The following PDS5B variants were observed in gnomAD, a reference collection of about 807,000 sequenced individuals.
PDS5B encodes PDS5 cohesin associated factor B.
PDS5B carries 51 observed loss-of-function variants against 184.1 expected under a neutral mutation model. The observed-to-expected ratio is 0.28, with a 90% CI of 0.22 to 0.35. PDS5B has a LOEUF of 0.35. PDS5B is among the 10% of genes least tolerant of loss of function. The pLI, the probability that PDS5B is intolerant of heterozygous loss-of-function variation, is 1.00. For synonymous variants in PDS5B, 566 were observed against 569.2 expected (o/e 0.99, Z 0.08); for missense variants, 1,180 against 1,723.3 (o/e 0.68, Z 5.58).
In PDS5B at chr13:32,758,085, AG is replaced by A; in HGVS notation, c.3057-1del. On this transcript the variant is annotated splice_acceptor_variant, in intron 26 of 34. Transcript: ENST00000315596. LOFTEE classifies it high-confidence loss of function. ...TTCTTTTTTCCTTTTTTTTTTTTTT[AG>A]ATGTCTTTGGTTTGTTCTGGAAATA... 1.9e-6 allele frequency: 2 copies of A among 1,075,050 alleles called. No individual in the cohort carries two copies. 66.6% of individuals were successfully genotyped at this position (1,075,050 alleles called of 1,614,324 possible).
chr13:32,688,103 G>A (rs1222850262), intron 12 of PDS5B, among the ~76,000 whole-genome samples: 1 of 151,802 alleles, frequency 6.6e-6, no homozygotes, highest in African/African-American at 2.4e-5. Flanking sequence ...AATCTTAAGA[G>A]TTTCTTTAGT....
intron 19 of PDS5B, among the ~76,000 whole-genome samples, chr13:32,716,028 G>A (rs1391285657): frequency 4.4e-5 from 6 of 137,472 alleles, no homozygotes; most frequent in Non-Finnish European, 9.3e-5. Flanking sequence ...CCTCCCAGCC[G>A]CCTGCCTTGG....
chr13:32,750,888 T>TGTGTGTGTGTGTGTGTG (rs1566408847), intron 24 of PDS5B, among the ~76,000 whole-genome samples: 1 of 149,078 alleles, frequency 6.7e-6, no homozygotes, highest in African/African-American at 2.5e-5. Context: ...TGTGTGTGTG[T>TGTGTGTGTGTGTGTGTG]TTTAAACTTT....
chr13:32,695,495 G>C (rs1593447103), intron 14 of PDS5B, among the ~76,000 whole-genome samples: 1 of 151,982 alleles, frequency 6.6e-6, no homozygotes, highest in South Asian at 2.1e-4. Flanking sequence ...GCCTCTCTTT[G>C]CTACTTGGAG....
Position 32,673,710 on chromosome 13 carries a change from G to A in PDS5B, c.846+354G>A, listed in dbSNP as rs79009498. ...TTTGACCACTGAGGCCATAAAAATA[G>A]TTTAGAGTTTTTTATCCACATAGTG... On this transcript the variant is annotated intron_variant, in intron 8 of 34. Coordinates refer to ENST00000315596, the MANE Select transcript of PDS5B (RefSeq NM_015032.4). 7.9e-5 allele frequency among the ~76,000 whole-genome samples: 12 copies of A among 152,302 alleles called. No individual in the cohort carries two copies. In the East Asian group the frequency reaches 2.3e-3, roughly 29 times the overall value.
At chr13:32,634,998 CCT>C (rs2058518044) in intron 1 of PDS5B, among the ~76,000 whole-genome samples, 1 of 139,642 alleles carries the variant, frequency 7.2e-6, no homozygotes, top group African/African-American at 2.6e-5. Flanking sequence ...TTTCTTACTG[CCT>C]CTTTTTTTTT....
At chr13:32,671,002 G>A (rs568846055) in intron 7 of PDS5B, among the ~76,000 whole-genome samples, 2 of 152,272 alleles carry the variant, frequency 1.3e-5, no homozygotes, top group Admixed American at 6.5e-5. Flanking sequence ...AATTAGCTAC[G>A]CTTTTGTAAA....
intron 1 of PDS5B, among the ~76,000 whole-genome samples, chr13:32,615,805 A>G (rs1463867293): frequency 1.3e-5 from 2 of 152,330 alleles, no homozygotes; most frequent in Admixed American, 6.5e-5. Context: ...AAGTACATAT[A>G]AGTAACTTAT....
At position 32,755,892 on chromosome 13, in the gene PDS5B, CT is replaced by C; in HGVS notation, c.2996del (p.Leu999TrpfsTer30). 1.3e-6 allele frequency: 2 copies of C among 1,585,190 alleles called. No individual in the cohort carries two copies. The highest frequency in any genetic ancestry group is 1.1e-5 in the South Asian group (1 of 87,918). Reference sequence around the variant, plus strand: ...GTATGTTGTTCCATATACAATTCACCTTTTGGCACATGACCCAGATTATGTC... The same window carrying C: ...GTATGTTGTTCCATATACAATTCACCTTTGGCACATGACCCAGATTATGTC... ...PEYVVPYTIH[L>X]LAHDPDYVKV... On this transcript the variant is annotated frameshift_variant, in exon 26 of 35. Transcript: ENST00000315596. LOFTEE classifies it high-confidence loss of function.
At chr13:32,764,080 G>T (rs1032363210) in intron 30 of PDS5B, among the ~76,000 whole-genome samples, 1 of 151,996 alleles carries the variant, frequency 6.6e-6, no homozygotes. Context: ...CAGTCAGTAC[G>T]TAATAAATGT....
intron 1 of PDS5B, among the ~76,000 whole-genome samples, chr13:32,596,662 C>T (rs2057876426): frequency 6.6e-6 from 1 of 151,670 alleles, no homozygotes; most frequent in Admixed American, 6.6e-5. Flanking sequence ...CTTGGTTAGT[C>T]AATCTTTTTA....
intron 3 of PDS5B, among the ~76,000 whole-genome samples, chr13:32,656,449 T>C (rs76124683): frequency 6.6e-6 from 1 of 152,046 alleles, no homozygotes; most frequent in East Asian, 1.9e-4. Context: ...TTAGTAACAT[T>C]GATTCTTCCT....
In PDS5B at chr13:32,658,308, T is replaced by A. The variant is rs201036001; in HGVS notation, c.382T>A (p.Tyr128Asn). 2 of 1,500,964 alleles carry A rather than the reference T, an allele frequency of 1.3e-6. No homozygotes were observed. The highest frequency in any genetic ancestry group is 1.4e-5 in the African/African-American group (1 of 73,104). 93.0% of individuals were successfully genotyped at this position (1,500,964 alleles called of 1,614,324 possible). The change falls in exon 4 of 35, where the codon TAT (tyrosine) becomes AAT (asparagine). Residue 128 changes from tyrosine (Y) to asparagine (N), a missense_variant. By Grantham distance (143) the Tyr-to-Asn change is moderately radical. Around this residue, in one of 11 missense-constraint regions of PDS5B, gnomAD observed 22 missense variants for 46.8 expected, o/e 0.47. Transcript: ENST00000315596. ...TACAAAGAGCCCACAATTCAATAGG[T>A]ATTTTTATTTACTTGAGGTAAGCAA... Reference protein sequence around the residue: ...EDTKSPQFNRYFYLLENIAWV... With the variant: ...EDTKSPQFNRNFYLLENIAWV...
intron 23 of PDS5B, among the ~76,000 whole-genome samples, chr13:32,744,724 ATTG>A (rs1274258650): frequency 2.6e-5 from 4 of 152,116 alleles, no homozygotes; most frequent in Non-Finnish European, 4.4e-5. Flanking sequence ...TACTTGGAAT[ATTG>A]TTGTTGATGG....
intron 23 of PDS5B, among the ~76,000 whole-genome samples, chr13:32,743,013 T>C (rs1458999984): frequency 6.6e-6 from 1 of 151,432 alleles, no homozygotes; most frequent in East Asian, 1.9e-4. Flanking sequence ...ATAACTGATG[T>C]TTTACATTCT....
chr13:32,657,696 T>C (rs2140693377), intron 3 of PDS5B, among the ~76,000 whole-genome samples: 1 of 152,234 alleles, frequency 6.6e-6, no homozygotes, highest in East Asian at 1.9e-4. Flanking sequence ...GTCAAAAATA[T>C]GAGATGGGAA....
At chr13:32,756,080 C>A in intron 26 of PDS5B, 124 bp downstream of exon 26, 1 of 535,234 alleles carries the variant, frequency 1.9e-6, no homozygotes, top group Non-Finnish European at 3.4e-6. Context: ...GTTTAAGGTT[C>A]TTTATTTGCT....
intron 1 of PDS5B, among the ~76,000 whole-genome samples, chr13:32,629,481 AG>A (rs952868330): frequency 7.2e-5 from 11 of 152,280 alleles, no homozygotes; most frequent in East Asian, 1.9e-4. Flanking sequence ...AGGGATAAAA[AG>A]GGGTGGTTAA....
chr13:32,605,286 T>C (rs1255800567), intron 1 of PDS5B, among the ~76,000 whole-genome samples: 2 of 152,352 alleles, frequency 1.3e-5, no homozygotes, highest in East Asian at 1.9e-4. Context: ...TTCTCATTGG[T>C]TTCAGAGAAT....
Sources: allele counts gnomAD v4.1 joint callset (sites outside exome capture counted in the v4.1 genomes callset), GRCh38; gene constraint gnomAD v4.1.1; regional missense constraint gnomAD v4.1.1; transcripts MANE v1.5; gene names NCBI Gene and HGNC (gene_info 2026-07-23, HGNC 2026-07-21).